ADGRG6: variants seen among roughly 807,000 people sequenced by gnomAD.
ADGRG6 encodes the protein G-protein coupled receptor 126.
A neutral mutation model predicts 142.4 loss-of-function variants in ADGRG6; 84 were observed. The observed-to-expected ratio is 0.59, with a 90% CI of 0.49 to 0.71. The LOEUF (loss-of-function observed/expected upper bound fraction) is 0.71. Ranked by LOEUF, ADGRG6 falls within the 30% of genes least tolerant of loss-of-function variation. The pLI is 0.00. For missense variants in ADGRG6, 1,367 were observed against 1,466.6 expected, an observed-to-expected ratio of 0.93 and a Z score of 1.11; for synonymous variants, 521 against 520.5, an observed-to-expected ratio of 1.00 and a Z score of -0.01.
At chr6:142,309,168 A>G (rs1777640121) in intron 1 of ADGRG6, among the ~76,000 whole-genome samples, 1 of 151,924 alleles carries the variant, frequency 6.6e-6, no homozygotes, top group East Asian at 1.9e-4. Context: ...AGGAAGGTTG[A>G]TAGAAACATC....
At chr6:142,425,654 GT>G (rs112314092) in intron 22 of ADGRG6, among the ~76,000 whole-genome samples, 20 of 152,294 alleles carry the variant, frequency 1.3e-4, no homozygotes, top group African/African-American at 4.8e-4. Context: ...GAGGCGGGAT[GT>G]GTGGGAGCAT....
rs78986733 is a variant in ADGRG6, at chr6:142,337,537, A to G, written c.103+27893A>G. Among the ~76,000 whole-genome samples, 464 of 151,638 alleles carry G rather than the reference A, an allele frequency of 3.1e-3. 1 individual carries two copies. Among genetic ancestry groups the G allele is most frequent in the African/African-American group, 0.01 (429 of 41,358 alleles). On this transcript the variant is annotated intron_variant, in intron 2 of 24. Transcript: ENST00000367609. ...GTGAGGAGAGCTCAAGGCTTGCTTT[A>G]CTCTCGGAGGGACTCAAGTGATTGG... is the stretch of plus-strand genomic sequence containing the variant.
At chr6:142,328,256 G>C (rs1175402423) in intron 2 of ADGRG6, among the ~76,000 whole-genome samples, 1 of 152,134 alleles carries the variant, frequency 6.6e-6, no homozygotes, top group East Asian at 1.9e-4. Context: ...AGGCTGAAGT[G>C]CAGTGGCATG....
Position 142,444,068 on chromosome 6 carries a change from G to A in ADGRG6, c.*553G>A, listed in dbSNP as rs759387955. On this transcript the variant is annotated 3_prime_UTR_variant, in exon 25 of 25. Coordinates refer to ENST00000367609, the MANE Select transcript of ADGRG6 (RefSeq NM_198569.3). Reference sequence around the variant, plus strand: ...TACTCCTTGACCCAAAGATTAAAAAGGATTTTTTATTATTTTAAATATTAC... The same window carrying A: ...TACTCCTTGACCCAAAGATTAAAAAAGATTTTTTATTATTTTAAATATTAC... The A allele has an allele frequency of 6.6e-6, 1 of 152,006 alleles. No individual in the cohort carries two copies. Among genetic ancestry groups the A allele is most frequent in the Non-Finnish European group, 1.5e-5 (1 of 67,984 alleles). The allele number at this position is 152,006 out of a possible 1,614,324, so 9.4% of individuals were successfully genotyped here. A position where few individuals can be genotyped will look rare whatever the true frequency, so the allele number is the denominator to read the frequency against.
intron 14 of ADGRG6, chr6:142,404,185 C>T (rs1293469854): frequency 3.8e-6 from 2 of 526,098 alleles, no homozygotes; most frequent in African/African-American, 1.9e-5. Context: ...GGGTGGTCAG[C>T]TTACCTTCTA....
intron 7 of ADGRG6, among the ~76,000 whole-genome samples, chr6:142,391,960 T>G (rs1029165783): frequency 3.3e-5 from 5 of 151,954 alleles, no homozygotes; most frequent in African/African-American, 1.2e-4. Context: ...ATTTACTTCA[T>G]GCATGGTTTT....
At chr6:142,438,189 G>T in intron 23 of ADGRG6, 23 bp from the exon 24 acceptor site, 3 of 1,529,110 alleles carry the variant, frequency 2.0e-6, no homozygotes, top group Non-Finnish European at 2.7e-6. Context: ...AGATTGATAG[G>T]GTGATGTCAT....
Position 142,397,770 on chromosome 6 carries a change from T to G in ADGRG6, c.1567+15T>G. The G allele has an allele frequency of 6.6e-7, 1 of 1,508,558 alleles. No individual in the cohort carries two copies. The highest frequency in any genetic ancestry group is 8.9e-7 in the Non-Finnish European group (1 of 1,125,818). 93.4% of individuals were successfully genotyped at this position (1,508,558 alleles called of 1,614,324 possible). On this transcript the variant is annotated intron_variant, in intron 10 of 24. Coordinates refer to ENST00000367609, the MANE Select transcript of ADGRG6 (RefSeq NM_198569.3). Reference sequence around the variant, plus strand: ...GAGACAACTGGGTAAGTGACTAATTTTTTTATAATATGCATTTTATACAAC... The same window carrying G: ...GAGACAACTGGGTAAGTGACTAATTGTTTTATAATATGCATTTTATACAAC...
intron 2 of ADGRG6, among the ~76,000 whole-genome samples, chr6:142,342,522 A>G (rs1779705987): frequency 2.0e-5 from 3 of 152,200 alleles, no homozygotes; most frequent in Non-Finnish European, 4.4e-5. Flanking sequence ...TTTCCTGAGC[A>G]TTCTTATTGA....
At chr6:142,428,595 AC>A (rs1428537500) in intron 22 of ADGRG6, among the ~76,000 whole-genome samples, 8 of 152,154 alleles carry the variant, frequency 5.3e-5, no homozygotes, top group African/African-American at 9.7e-5. Flanking sequence ...CGGGAAACTT[AC>A]AATCATGGCA....
chr6:142,428,124 A>G (rs978427296), intron 22 of ADGRG6, among the ~76,000 whole-genome samples: 2 of 152,196 alleles, frequency 1.3e-5, no homozygotes, highest in African/African-American at 4.8e-5. Flanking sequence ...TTGGAAATGT[A>G]TGAAGGGGTA....
intron 1 of ADGRG6, among the ~76,000 whole-genome samples, chr6:142,307,564 C>G (rs1395623629): frequency 6.6e-6 from 1 of 151,942 alleles, no homozygotes; most frequent in African/African-American, 2.4e-5. Context: ...ACTGTTATTT[C>G]CAGTTCTTTT....
chr6:142,389,521 A>G (rs1774763978), intron 6 of ADGRG6, among the ~76,000 whole-genome samples: 1 of 151,894 alleles, frequency 6.6e-6, no homozygotes, highest in South Asian at 2.1e-4. Flanking sequence ...TTGATTTTTC[A>G]TTTTAAAAAA....
chr6:142,372,504 G>T (rs1240706622), intron 4 of ADGRG6, among the ~76,000 whole-genome samples: 1 of 152,150 alleles, frequency 6.6e-6, no homozygotes, highest in Non-Finnish European at 1.5e-5. Flanking sequence ...ACCTGTTCGT[G>T]TGGTCCATGG....
intron 2 of ADGRG6, among the ~76,000 whole-genome samples, chr6:142,354,851 T>C (rs1016568039): frequency 6.6e-5 from 10 of 152,256 alleles, no homozygotes; most frequent in African/African-American, 2.4e-4. Context: ...ACTTAGAAGC[T>C]GTACAACATT....
chr6:142,372,545 G>A (rs762095377), intron 4 of ADGRG6, among the ~76,000 whole-genome samples: 10 of 152,188 alleles, frequency 6.6e-5, no homozygotes, highest in Non-Finnish European at 1.3e-4. Context: ...AGGCTGTGAA[G>A]TGATGTCATT....
chr6:142,378,001 A>T (rs1781583139), intron 4 of ADGRG6, among the ~76,000 whole-genome samples: 1 of 152,168 alleles, frequency 6.6e-6, no homozygotes, highest in Non-Finnish European at 1.5e-5. Context: ...AGCAATGTCA[A>T]TTTGCTAAAC....
At chr6:142,396,991 CT>C (rs1413877729) in intron 9 of ADGRG6, among the ~76,000 whole-genome samples, 1 of 152,014 alleles carries the variant, frequency 6.6e-6, no homozygotes, top group Non-Finnish European at 1.5e-5. Flanking sequence ...ATTCTATAAC[CT>C]TCTTAAGTAA....
chr6:142,345,322 G>T (rs1779845737), intron 2 of ADGRG6, among the ~76,000 whole-genome samples: 1 of 151,968 alleles, frequency 6.6e-6, no homozygotes, highest in African/African-American at 2.4e-5. Flanking sequence ...AATATCTTTG[G>T]CAGTCATAGT....
Sources: gnomAD v4.1 joint callset for allele counts (sites outside exome capture counted in the v4.1 genomes callset) on GRCh38, gnomAD v4.1.1 for gene constraint, MANE v1.5 for transcripts, NCBI Gene and HGNC (gene_info 2026-07-23, HGNC 2026-07-21) for gene names.